ELAPOR2: variants seen among roughly 807,000 people sequenced by gnomAD.
The protein encoded by ELAPOR2 is endosome/lysosome-associated apoptosis and autophagy regulator family member 2.
A neutral mutation model predicts 120.7 loss-of-function variants in ELAPOR2; 89 were observed. That is an observed-to-expected ratio of 0.74 (90% CI 0.62 to 0.88). ELAPOR2 has a LOEUF of 0.88. ELAPOR2 is among the 40% of genes least tolerant of loss of function. The pLI is 0.00. For synonymous variants in ELAPOR2, 444 were observed against 444.9 expected (o/e 1.00, Z 0.03); for missense variants, 1,134 against 1,251.6 (o/e 0.91, Z 1.42).
At chr7:86,893,507 G>C (rs568980309) in intron 19 of ELAPOR2, among the ~76,000 whole-genome samples, 3 of 151,584 alleles carry the variant, frequency 2.0e-5, no homozygotes, top group Admixed American at 2.0e-4. Context: ...GAAAGCTTAG[G>C]TTGCTTAATC....
At chr7:86,998,701 C>G (rs1203772142) in intron 1 of ELAPOR2, among the ~76,000 whole-genome samples, 1 of 152,178 alleles carries the variant, frequency 6.6e-6, no homozygotes, top group African/African-American at 2.4e-5. Flanking sequence ...GAGTTGAGAC[C>G]TATTCAACTA....
At chr7:86,914,906 A>C (rs1431395494) in intron 12 of ELAPOR2, 46 bp from the exon 13 acceptor site, 1 of 1,407,206 alleles carries the variant, frequency 7.1e-7, no homozygotes, top group Admixed American at 1.8e-5. Flanking sequence ...CACAAACTCA[A>C]CATTAATATA....
intron 2 of ELAPOR2, among the ~76,000 whole-genome samples, chr7:86,953,681 G>A (rs1422479876): frequency 1.3e-5 from 2 of 152,160 alleles, no homozygotes; most frequent in East Asian, 1.9e-4. Context: ...TGAATTTACC[G>A]TATTTAATTT....
Position 86,878,102 on chromosome 7 carries a change from ACTT to A in ELAPOR2, c.*2366_*2368del, listed in dbSNP as rs1158157265. The A allele has an allele frequency of 6.6e-6, 1 of 152,206 alleles. No individual in the cohort carries two copies. Among genetic ancestry groups the A allele is most frequent in the Admixed American group, 6.5e-5 (1 of 15,274 alleles). The allele number at this position is 152,206 out of a possible 1,614,324, so 9.4% of individuals were successfully genotyped here. A position where few individuals can be genotyped will look rare whatever the true frequency, so the allele number is the denominator to read the frequency against. ...GTGCCTTTTAGAAAAATAACAAATAACTTCTTCTACCACTTAGGGGGGAAAAGG... is the reference window on the plus strand; with the variant it reads ...GTGCCTTTTAGAAAAATAACAAATAACTTCTACCACTTAGGGGGGAAAAGG... On this transcript the variant is annotated 3_prime_UTR_variant, in exon 22 of 22. Coordinates refer to ENST00000450689, the MANE Select transcript of ELAPOR2 (RefSeq NM_001142749.3).
chr7:86,960,616 T>G (rs1434843212), intron 2 of ELAPOR2, among the ~76,000 whole-genome samples: 1 of 152,188 alleles, frequency 6.6e-6, no homozygotes, highest in Non-Finnish European at 1.5e-5. Flanking sequence ...GATATTTAAT[T>G]CTCCTACTAT....
rs182691353 is a variant in ELAPOR2, at chr7:86,964,627, A to G, written c.310+277T>C. Among the ~76,000 whole-genome samples, 44 of 152,294 alleles carry G rather than the reference A, an allele frequency of 2.9e-4. 1 individual carries two copies. The highest frequency in any genetic ancestry group is 1.0e-3 in the African/African-American group (43 of 41,572). Reference sequence around the variant, plus strand: ...TTTAAAATAAGAAAAAATCCATTAAAAAGAAACTTTGCCACTCTGCCCTCC... The same window carrying G: ...TTTAAAATAAGAAAAAATCCATTAAGAAGAAACTTTGCCACTCTGCCCTCC... On this transcript the variant is annotated intron_variant, in intron 2 of 21. Coordinates refer to ENST00000450689, the MANE Select transcript of ELAPOR2 (RefSeq NM_001142749.3).
chr7:86,893,537 A>G (rs1253214744), intron 19 of ELAPOR2, among the ~76,000 whole-genome samples: 1 of 151,910 alleles, frequency 6.6e-6, no homozygotes, highest in African/African-American at 2.4e-5. Flanking sequence ...GGTTGCATTC[A>G]CCCATCATGT....
chr7:86,963,723 T>C (rs1022010144), intron 2 of ELAPOR2, among the ~76,000 whole-genome samples: 1 of 152,182 alleles, frequency 6.6e-6, no homozygotes, highest in Non-Finnish European at 1.5e-5. Flanking sequence ...TCAGGCTCTG[T>C]TTCCCTTTCA....
At chr7:87,045,375 T>C (rs1255811689) in intron 1 of ELAPOR2, among the ~76,000 whole-genome samples, 1 of 149,980 alleles carries the variant, frequency 6.7e-6, no homozygotes, top group Non-Finnish European at 1.5e-5. Flanking sequence ...CCAACAATGA[T>C]AGACTGGATT....
rs536646436 is a variant in ELAPOR2, at chr7:86,987,773, G to C, written c.190-22749C>G. Among the ~76,000 whole-genome samples the C allele has an allele frequency of 3.9e-5, 6 of 152,292 alleles. No individual in the cohort carries two copies. In the South Asian group the frequency reaches 1.2e-3, roughly 32 times the overall value. ...GGGACTGTAAAGTAGTTCAACCTTT[G>C]TGGAAGACAGTGTGATGATTCCTCA... On this transcript the variant is annotated intron_variant, in intron 1 of 21. Transcript: ENST00000450689.
At chr7:86,935,631 C>T (rs376625633) in intron 8 of ELAPOR2, among the ~76,000 whole-genome samples, 79 of 152,096 alleles carry the variant, frequency 5.2e-4, no homozygotes, top group South Asian at 1.2e-3. Flanking sequence ...AGGCCTTCCT[C>T]CAGACCTACT....
At chr7:87,019,201 T>G (rs1793963361) in intron 1 of ELAPOR2, among the ~76,000 whole-genome samples, 1 of 152,232 alleles carries the variant, frequency 6.6e-6, no homozygotes, top group Non-Finnish European at 1.5e-5. Flanking sequence ...TTTTGCCCTG[T>G]CACCCAGGCT....
At chr7:87,032,057 G>A (rs556636179) in intron 1 of ELAPOR2, among the ~76,000 whole-genome samples, 3 of 152,218 alleles carry the variant, frequency 2.0e-5, no homozygotes, top group Admixed American at 2.0e-4. Context: ...ATTACAAAGA[G>A]AAACAGGAAA....
intron 18 of ELAPOR2, among the ~76,000 whole-genome samples, chr7:86,906,063 G>A (rs1216769276): frequency 6.6e-6 from 1 of 152,114 alleles, no homozygotes; most frequent in Non-Finnish European, 1.5e-5. Flanking sequence ...TGAGTTAGAG[G>A]CCTGGAGGAG....
At chr7:86,982,246 A>C (rs1216490570) in intron 1 of ELAPOR2, among the ~76,000 whole-genome samples, 1 of 152,266 alleles carries the variant, frequency 6.6e-6, no homozygotes, top group African/African-American at 2.4e-5. Flanking sequence ...TAGCTGAACA[A>C]AATGGAGCAG....
At chr7:86,937,991 C>A (rs1790636935) in intron 8 of ELAPOR2, 135 bp downstream of exon 8, 2 of 639,760 alleles carry the variant, frequency 3.1e-6, no homozygotes, top group Admixed American at 2.8e-5. Flanking sequence ...GACTTCAAAC[C>A]CTAAACTCTA....
intron 21 of ELAPOR2, among the ~76,000 whole-genome samples, chr7:86,888,450 T>C (rs376988411): frequency 6.5e-4 from 99 of 152,206 alleles, no homozygotes; most frequent in African/African-American, 2.3e-3. Flanking sequence ...CACCTTCCTA[T>C]GAAGAAAAAT....
chr7:86,983,940 C>A (rs1185212896), intron 1 of ELAPOR2, among the ~76,000 whole-genome samples: 1 of 152,070 alleles, frequency 6.6e-6, no homozygotes, highest in Non-Finnish European at 1.5e-5. Context: ...TTCAGGAGAC[C>A]CATCTCATGT....
At chr7:87,016,681 TATATA>T (rs977105417) in intron 1 of ELAPOR2, among the ~76,000 whole-genome samples, 34 of 145,492 alleles carry the variant, frequency 2.3e-4, no homozygotes, top group African/African-American at 8.6e-4. Flanking sequence ...ATATATATAA[TATATA>T]ATATAACATA....
Sources: gnomAD v4.1 joint callset for allele counts (sites outside exome capture counted in the v4.1 genomes callset) on GRCh38, gnomAD v4.1.1 for gene constraint, MANE v1.5 for transcripts, NCBI Gene and HGNC (gene_info 2026-07-23, HGNC 2026-07-21) for gene names.